NCOR1: variants seen among roughly 807,000 people sequenced by gnomAD.
NCOR1 encodes the protein protein phosphatase 1, regulatory subunit 109.
In NCOR1, 63 loss-of-function variants were observed where a neutral mutation model predicts 288.1. The ratio of observed to expected loss-of-function variants is 0.22; its 90% CI spans 0.18 to 0.27. NCOR1 has a LOEUF of 0.27. NCOR1 is among the 10% of genes least tolerant of loss of function. NCOR1 has a pLI of 1.00. For synonymous variants in NCOR1, 1,007 were observed against 1,065.9 expected, an observed-to-expected ratio of 0.94 and a Z score of 1.08; for missense variants, 2,397 against 3,019.2, an observed-to-expected ratio of 0.79 and a Z score of 4.83.
At chr17:16,144,444 G>T (rs959728926) in intron 10 of NCOR1, among the ~76,000 whole-genome samples, 9 of 152,204 alleles carry the variant, frequency 5.9e-5, no homozygotes, top group Admixed American at 4.6e-4. Context: ...CAACATAAAA[G>T]TTCTTTTAAC....
intron 14 of NCOR1, among the ~76,000 whole-genome samples, chr17:16,133,600 T>C (rs1002871401): frequency 1.3e-5 from 2 of 152,224 alleles, no homozygotes; most frequent in Non-Finnish European, 2.9e-5. Flanking sequence ...AAAAGAAGTA[T>C]TCTAACCTTT....
intron 14 of NCOR1, among the ~76,000 whole-genome samples, chr17:16,129,065 C>T (rs560184141): frequency 6.6e-6 from 1 of 152,222 alleles, no homozygotes; most frequent in Non-Finnish European, 1.5e-5. Context: ...CTCATTATGC[C>T]TTGACATTAT....
rs566288998 is a variant in NCOR1 at position 16,121,034 on chromosome 17, C to A, written c.1852+18G>T. 2 of 1,606,118 alleles carry A rather than the reference C, an allele frequency of 1.2e-6. No individual in the cohort carries two copies. The highest frequency in any genetic ancestry group is 2.2e-5 in the South Asian group (2 of 90,344). On this transcript the variant is annotated intron_variant, in intron 16 of 45. Transcript: ENST00000268712. Reference sequence around the variant, plus strand: ...CGAACAAAATTATGGCCTGTTTATGCCAATTGTTTCCACTCACTGGGTTCT... The same window carrying A: ...CGAACAAAATTATGGCCTGTTTATGACAATTGTTTCCACTCACTGGGTTCT...
At chr17:16,152,479 G>A (rs2079032657) in intron 7 of NCOR1, among the ~76,000 whole-genome samples, 1 of 152,138 alleles carries the variant, frequency 6.6e-6, no homozygotes, top group Non-Finnish European at 1.5e-5. Context: ...CAAAGGACAT[G>A]AACTCATCCT....
At chr17:16,143,320 A>G (rs2077412577) in intron 11 of NCOR1, among the ~76,000 whole-genome samples, 1 of 152,148 alleles carries the variant, frequency 6.6e-6, no homozygotes, top group Non-Finnish European at 1.5e-5. Context: ...ACTCGCCTAT[A>G]CATCCCTACC....
rs755876883 is a variant in NCOR1 at position 16,091,849 on chromosome 17, CTCTA to C, written c.3016+10_3016+13del. On this transcript the variant is annotated intron_variant, in intron 22 of 45. Transcript: ENST00000268712. Reference sequence around the variant, plus strand: ...TTCATAAAAGTTCTCTTGGTGATAGCTCTATCTACCTACCTTCCCACTCTCTGTT... The same window carrying C: ...TTCATAAAAGTTCTCTTGGTGATAGCTCTACCTACCTTCCCACTCTCTGTT... 1 of 1,613,830 alleles carries C rather than the reference CTCTA, an allele frequency of 6.2e-7. No homozygotes were observed. The highest frequency in any genetic ancestry group is 8.5e-7 in the Non-Finnish European group (1 of 1,180,008).
In NCOR1 at chr17:16,047,019, A is replaced by G. The variant is rs1567689716; in HGVS notation, c.6611T>C (p.Met2204Thr). 6.2e-7 allele frequency: 1 copy of G among 1,614,048 alleles called. No individual in the cohort carries two copies. The highest frequency in any genetic ancestry group is 1.1e-5 in the South Asian group (1 of 91,068). Residue 2204 changes from methionine to threonine, a missense_variant, in exon 42 of 46, where the codon ATG (methionine) becomes ACG (threonine). Met to Thr is a moderately conservative substitution (Grantham distance 81, BLOSUM62 -1). This residue lies in a region of NCOR1 where 1,872 missense variants were observed against 2,187.8 expected (regional missense o/e 0.86). Coordinates refer to ENST00000268712, the MANE Select transcript of NCOR1 (RefSeq NM_006311.4). ...FFTKLENTSP[M>T]VKSKKQEIFR... Reference sequence around the variant, plus strand: ...AATCTCCTGCTTCTTTGATTTAACCATGGGTGATGTATTTTCAAGCTTGGT... The same window carrying G: ...AATCTCCTGCTTCTTTGATTTAACCGTGGGTGATGTATTTTCAAGCTTGGT...
intron 5 of NCOR1, among the ~76,000 whole-genome samples, chr17:16,164,568 T>C (rs1359184394): frequency 7.2e-5 from 11 of 152,096 alleles, no homozygotes; most frequent in South Asian, 6.2e-4. Flanking sequence ...GGTACTCACA[T>C]AAGCTGCCAG....
At chr17:16,193,253 G>A (rs2088953573) in intron 2 of NCOR1, among the ~76,000 whole-genome samples, 1 of 151,840 alleles carries the variant, frequency 6.6e-6, no homozygotes, top group South Asian at 2.1e-4. Context: ...TTTTTAAGAT[G>A]GGGTTTCACT....
At chr17:16,170,102 G>C (rs113762081) in intron 4 of NCOR1, among the ~76,000 whole-genome samples, 1 of 79,876 alleles carries the variant, frequency 1.3e-5, no homozygotes, top group Non-Finnish European at 2.8e-5. Context: ...TAACATATTT[G>C]CTTTCTGTGT....
chr17:16,082,930 T>C (rs988014196), intron 23 of NCOR1, among the ~76,000 whole-genome samples: 1 of 152,116 alleles, frequency 6.6e-6, no homozygotes, highest in Non-Finnish European at 1.5e-5. Flanking sequence ...AAACTTAACA[T>C]TCTGCCTAAC....
chr17:16,034,688 G>A (rs2151846824), intron 45 of NCOR1, 77 bp downstream of exon 45: 1 of 1,306,688 alleles, frequency 7.7e-7, no homozygotes. Flanking sequence ...AAGAGTTGCT[G>A]AATTTTGAAG....
intron 3 of NCOR1, among the ~76,000 whole-genome samples, chr17:16,185,104 G>A (rs549733328): frequency 2.0e-5 from 3 of 151,058 alleles, no homozygotes; most frequent in South Asian, 2.1e-4. Flanking sequence ...ATGGGGAGAC[G>A]AAAGTCAGAG....
rs2060567836 is a variant in NCOR1, at chr17:16,061,767, T to C, written c.5515A>G (p.Thr1839Ala). The change falls in exon 37 of 46, where the codon ACA (threonine) becomes GCA (alanine). Residue 1839 changes from threonine to alanine, a missense_variant. Physicochemically the swap from Thr to Ala is moderately conservative, Grantham distance 58 (BLOSUM62 0). Coordinates refer to ENST00000268712, the MANE Select transcript of NCOR1 (RefSeq NM_006311.4). ...GCAGCTTCATGCTTACTCTCTTTTGTTTTGGACACATCCATCTGGGGTGCA... is the reference window on the plus strand; with the variant it reads ...GCAGCTTCATGCTTACTCTCTTTTGCTTTGGACACATCCATCTGGGGTGCA... ...ASAPQMDVSK[T>A]KESKHEAARL... is the part of the protein sequence containing the mutation. 2 of 1,614,258 alleles carry C rather than the reference T, an allele frequency of 1.2e-6. No homozygotes were observed. Among genetic ancestry groups the C allele is most frequent in the Middle Eastern group, 1.6e-4 (1 of 6,062 alleles).
Position 16,146,376 on chromosome 17 carries a change from C to A in NCOR1, c.1082G>T (p.Arg361Leu). ...AGTCATTAAACATCAAACTACTCACCGCTGAAATCTTTCTTGCTGTTCTCT... is the reference window on the plus strand; with the variant it reads ...AGTCATTAAACATCAAACTACTCACAGCTGAAATCTTTCTTGCTGTTCTCT... ...KQREQQERFQRVGQRGAGLSA... is the reference protein window; with the variant it reads ...KQREQQERFQLVGQRGAGLSA... Residue 361 changes from arginine to leucine, a missense_variant and splice_region_variant, in exon 10 of 46, where the codon CGA (arginine) becomes CTA (leucine). By Grantham distance (102) the Arg-to-Leu change is moderately radical. This residue lies in a region of NCOR1 where 51 missense variants were observed against 127.6 expected (regional missense o/e 0.40). Transcript: ENST00000268712. 6.3e-7 allele frequency: 1 copy of A among 1,596,010 alleles called. No homozygotes were observed. Among genetic ancestry groups the A allele is most frequent in the Non-Finnish European group, 8.5e-7 (1 of 1,174,616 alleles).
At chr17:16,092,670 TATATATATATATATATA>T (rs2065463648) in intron 21 of NCOR1, among the ~76,000 whole-genome samples, 3 of 15,876 alleles carry the variant, frequency 1.9e-4, no homozygotes, top group Admixed American at 1.3e-3. Context: ...TATATATATA[TATATATATATATATATA>T]TATATATATT....
intron 23 of NCOR1, among the ~76,000 whole-genome samples, chr17:16,082,164 A>G (rs2063505337): frequency 6.6e-6 from 1 of 151,950 alleles, no homozygotes; most frequent in Admixed American, 6.6e-5. Context: ...CTAAGCAAAT[A>G]ATAACAGCCA....
intron 2 of NCOR1, among the ~76,000 whole-genome samples, chr17:16,189,743 A>C (rs2087692896): frequency 6.6e-6 from 1 of 152,216 alleles, no homozygotes; most frequent in East Asian, 1.9e-4. Flanking sequence ...TACTGGACAC[A>C]TGAAAATATT....
At chr17:16,038,806 C>CT (rs1402460962) in intron 44 of NCOR1, among the ~76,000 whole-genome samples, 1 of 151,764 alleles carries the variant, frequency 6.6e-6, no homozygotes, top group Non-Finnish European at 1.5e-5. Flanking sequence ...GAGTCTCACT[C>CT]TGTTTCCAGG....
Sources: gnomAD v4.1 joint callset for allele counts (sites outside exome capture counted in the v4.1 genomes callset) on GRCh38, gnomAD v4.1.1 for gene constraint, gnomAD v4.1.1 regional missense constraint, MANE v1.5 for transcripts, NCBI Gene and HGNC (gene_info 2026-07-23, HGNC 2026-07-21) for gene names.